The following GRID2 variants were observed in gnomAD, a reference collection of about 807,000 sequenced individuals.
GRID2 encodes the protein glutamate ionotropic receptor delta type subunit 2.
In GRID2, 33 loss-of-function variants were observed where a neutral mutation model predicts 114.8. That is an observed-to-expected ratio of 0.29 (90% CI 0.22 to 0.38). The LOEUF (loss-of-function observed/expected upper bound fraction) is 0.38. Among genes scored for constraint, GRID2 ranks in the 10% least tolerant of loss-of-function variants. GRID2 has a pLI of 1.00. For missense variants in GRID2, 1,184 were observed against 1,257.7 expected (o/e 0.94, Z 0.89); for synonymous variants, 505 against 449.9 (o/e 1.12, Z -1.55).
At chr4:92,434,376 T>C (rs971664793) in intron 1 of GRID2, among the ~76,000 whole-genome samples, 1 of 152,224 alleles carries the variant, frequency 6.6e-6, no homozygotes, top group Non-Finnish European at 1.5e-5. Context: ...AGTAGCTTTT[T>C]TATTTCTGAA....
intron 4 of GRID2, among the ~76,000 whole-genome samples, chr4:93,191,772 G>A (rs529862286): frequency 6.6e-6 from 1 of 152,190 alleles, no homozygotes; most frequent in Admixed American, 6.5e-5. Context: ...CAAGTAATAT[G>A]TAACTATCTT....
At chr4:93,776,645 T>G (rs1179293904), downstream of GRID2, among the ~76,000 whole-genome samples, 6 of 152,208 alleles carry the variant, frequency 3.9e-5, no homozygotes, top group Non-Finnish European at 7.3e-5. Context: ...GGTGACTGAC[T>G]GGACCAATTC....
intron 2 of GRID2, among the ~76,000 whole-genome samples, chr4:92,917,391 T>G (rs2149498285): frequency 6.6e-6 from 1 of 152,158 alleles, no homozygotes; most frequent in East Asian, 1.9e-4. Context: ...AATTTTGGCT[T>G]TTGTTGCCAT....
chr4:92,507,082 C>G (rs1724014773), intron 1 of GRID2, among the ~76,000 whole-genome samples: 1 of 151,878 alleles, frequency 6.6e-6, no homozygotes, highest in Admixed American at 6.6e-5. Context: ...TTCACTATCT[C>G]TATTCTTCAC....
chr4:92,450,345 C>G (rs1380265629), intron 1 of GRID2, among the ~76,000 whole-genome samples: 1 of 151,926 alleles, frequency 6.6e-6, no homozygotes, highest in African/African-American at 2.4e-5. Context: ...TGCCAAAAGT[C>G]TTGCTTAGGG....
Position 93,412,127 on chromosome 4 carries a change from AG to A in GRID2, c.1348-10643del, listed in dbSNP as rs200856977. Among the ~76,000 whole-genome samples, 18 of 151,854 alleles carry A rather than the reference AG, an allele frequency of 1.2e-4. 1 individual carries two copies. In the East Asian group the frequency reaches 3.5e-3, roughly 30 times the overall value. On this transcript the variant is annotated intron_variant, in intron 9 of 15. Transcript: ENST00000282020. ...CATACAGATAGACTTAAAAAAAAAA[AG>A]CCCCAGGCTGGGTTCTGTGGCTCAT...
At chr4:93,740,512 G>A (rs1291450719) in intron 14 of GRID2, among the ~76,000 whole-genome samples, 3 of 152,218 alleles carry the variant, frequency 2.0e-5, no homozygotes, top group East Asian at 1.9e-4. Context: ...AATCACTTAC[G>A]TTAAAGAAAG....
intron 1 of GRID2, among the ~76,000 whole-genome samples, chr4:92,428,629 A>T (rs995387441): frequency 5.9e-5 from 9 of 152,112 alleles, no homozygotes; most frequent in Non-Finnish European, 1.2e-4. Context: ...GTTTTTTGCT[A>T]ATAAGAACAT....
At chr4:93,085,345 TC>T in intron 3 of GRID2, 66 bp downstream of exon 3, 7 of 1,261,710 alleles carry the variant, frequency 5.5e-6, no homozygotes, top group Non-Finnish European at 8.0e-6. Flanking sequence ...ATTCATTAAA[TC>T]TTAAAAGTTT....
At chr4:93,204,739 A>T (rs1742503084) in intron 4 of GRID2, among the ~76,000 whole-genome samples, 1 of 152,162 alleles carries the variant, frequency 6.6e-6, no homozygotes, top group Non-Finnish European at 1.5e-5. Flanking sequence ...CTTACCTTCT[A>T]CTTAGTCCAT....
At chr4:93,507,798 ATTGTTTGTGTT>A (rs2149481900) in intron 12 of GRID2, among the ~76,000 whole-genome samples, 1 of 152,228 alleles carries the variant, frequency 6.6e-6, no homozygotes, top group East Asian at 1.9e-4. Context: ...TTTGGTCCTA[ATTGTTTGTGTT>A]TTCTTTTTAT....
chr4:93,355,597 T>C (rs1465397695), intron 8 of GRID2, among the ~76,000 whole-genome samples: 1 of 152,090 alleles, frequency 6.6e-6, no homozygotes, highest in Non-Finnish European at 1.5e-5. Context: ...AGTTAAGCAA[T>C]CGATCTTGTG....
chr4:93,354,897 A>T (rs939418201), intron 8 of GRID2, among the ~76,000 whole-genome samples: 6 of 148,970 alleles, frequency 4.0e-5, no homozygotes, highest in African/African-American at 1.5e-4. Flanking sequence ...GAAGACCTAA[A>T]TGCCTACTAG....
At chr4:93,546,950 A>G (rs1227903843) in intron 13 of GRID2, among the ~76,000 whole-genome samples, 3 of 152,110 alleles carry the variant, frequency 2.0e-5, no homozygotes, top group African/African-American at 7.2e-5. Context: ...AATAATCCTA[A>G]TCAGAAGAAA....
intron 2 of GRID2, among the ~76,000 whole-genome samples, chr4:92,676,267 C>T (rs1414415609): frequency 6.7e-6 from 1 of 148,600 alleles, no homozygotes; most frequent in Non-Finnish European, 1.5e-5. Flanking sequence ...TGCAAGTCCG[C>T]CTCCCGGGTT....
intron 14 of GRID2, among the ~76,000 whole-genome samples, chr4:93,749,192 G>GT (rs1447999772): frequency 6.6e-6 from 1 of 152,130 alleles, no homozygotes; most frequent in East Asian, 1.9e-4. Flanking sequence ...TTAAAAACAT[G>GT]TAAGTTTTGT....
chr4:92,423,783 G>A (rs1312432809), intron 1 of GRID2, among the ~76,000 whole-genome samples: 4 of 152,062 alleles, frequency 2.6e-5, no homozygotes, highest in Non-Finnish European at 5.9e-5. Flanking sequence ...TTTTGTAGCC[G>A]AAAGTAAGTT....
intron 2 of GRID2, among the ~76,000 whole-genome samples, chr4:92,953,961 ATATT>A (rs1468899867): frequency 2.0e-5 from 3 of 152,088 alleles, no homozygotes; most frequent in African/African-American, 7.2e-5. Flanking sequence ...GTTTCCCAAA[ATATT>A]TACTAAATAT....
At chr4:92,923,599 C>T (rs977326742) in intron 2 of GRID2, among the ~76,000 whole-genome samples, 3 of 151,832 alleles carry the variant, frequency 2.0e-5, no homozygotes, top group African/African-American at 7.3e-5. Context: ...AAAAGCCAAC[C>T]AAAAATGACA....
Sources: gnomAD v4.1 joint callset for allele counts (sites outside exome capture counted in the v4.1 genomes callset) on GRCh38, gnomAD v4.1.1 for gene constraint, MANE v1.5 for transcripts, NCBI Gene and HGNC (gene_info 2026-07-23, HGNC 2026-07-21) for gene names.